Variants in SHOX observed in about 807,000 individuals in gnomAD.
SHOX encodes the protein short stature homeobox protein.
Under a neutral mutation model 29.6 loss-of-function variants are expected in SHOX, and 12 were observed. The observed-to-expected ratio is 0.41, with a 90% CI of 0.26 to 0.66. The LOEUF is 0.66. Among genes scored for constraint, SHOX ranks in the 30% least tolerant of loss-of-function variants. The pLI, the probability that SHOX is intolerant of heterozygous loss-of-function variation, is 0.35. For missense variants in SHOX, 499 were observed against 437.7 expected, an observed-to-expected ratio of 1.14 and a Z score of -1.25; for synonymous variants, 214 against 200.6, an observed-to-expected ratio of 1.07 and a Z score of -0.57.
rs1004011271 is a variant in SHOX at position 649,285 on chromosome X, C to G, written c.*4649C>G. Among the ~76,000 whole-genome samples the G allele has an allele frequency of 2.6e-5, 4 of 152,050 alleles. No individual in the cohort carries two copies. Among genetic ancestry groups the G allele is most frequent in the Non-Finnish European group, 1.5e-5 (1 of 68,018 alleles). On this transcript the variant is annotated 3_prime_UTR_variant, in exon 5 of 5. Coordinates refer to ENST00000686671, the MANE Select transcript of SHOX (RefSeq NM_000451.4). Reference sequence around the variant, plus strand: ...AACTCCTGACCTCACATGATCCACCCGCCTCAGCCTCCCAGAGTGCTGGGA... The same window carrying G: ...AACTCCTGACCTCACATGATCCACCGGCCTCAGCCTCCCAGAGTGCTGGGA...
At chrX:625,075 TTCTC>T (rs1361088066) in intron 1 of SHOX, among the ~76,000 whole-genome samples, 5 of 99,702 alleles carry the variant, frequency 5.0e-5, no homozygotes, top group African/African-American at 2.3e-4. Context: ...CCCTCCCTCC[TTCTC>T]TCCCTCCCTC....
intron 1 of SHOX, chrX:624,625 C>G (rs1474706094): frequency 1.3e-5 from 2 of 152,168 alleles, no homozygotes; most frequent in Non-Finnish European, 2.9e-5. Flanking sequence ...TTGGAACTTT[C>G]CTTTTCTTTT....
At chrX:627,447 C>T (rs1225914556), upstream of SHOX, among the ~76,000 whole-genome samples, 4 of 152,138 alleles carry the variant, frequency 2.6e-5, no homozygotes, top group East Asian at 1.9e-4. Context: ...AGGCCGCCTC[C>T]GTGCTCATCC....
At chrX:636,933 C>G (rs1431169997) in intron 2 of SHOX, among the ~76,000 whole-genome samples, 1 of 123,292 alleles carries the variant, frequency 8.1e-6, no homozygotes, top group African/African-American at 3.6e-5. Flanking sequence ...GTTTTACGAG[C>G]TCTTTCATTT....
upstream of SHOX, among the ~76,000 whole-genome samples, chrX:627,226 C>T (rs1162487752): frequency 3.3e-5 from 5 of 152,208 alleles, no homozygotes; most frequent in East Asian, 7.7e-4. Flanking sequence ...ACAGTCCACC[C>T]ACTCTGCAGA....
upstream of SHOX, among the ~76,000 whole-genome samples, chrX:629,921 C>G (rs1268030526): frequency 2.0e-5 from 3 of 152,168 alleles, no homozygotes; most frequent in Non-Finnish European, 4.4e-5. Flanking sequence ...CCATGAAAAC[C>G]AAAAACACAA....
chrX:636,966 A>ATTTT (rs1178890740), intron 2 of SHOX, among the ~76,000 whole-genome samples: 1 of 125,182 alleles, frequency 8.0e-6, no homozygotes, highest in African/African-American at 3.1e-5. Flanking sequence ...ATATATATAT[A>ATTTT]TATATTTTGG....
At chrX:634,566 G>C in intron 1 of SHOX, 52 bp from the exon 2 acceptor site, 1 of 1,598,726 alleles carries the variant, frequency 6.3e-7, no homozygotes, top group South Asian at 1.1e-5. Context: ...GGTTCGCCAC[G>C]TTGCGCAAAA....
intron 4 of SHOX, 84 bp from the exon 5 acceptor site, chrX:644,307 G>C: frequency 7.0e-7 from 1 of 1,432,146 alleles, no homozygotes; most frequent in Non-Finnish European, 9.1e-7. Context: ...GAAGAGGCAC[G>C]TTGGAGGTTT....
At position 647,141 on chromosome X, in the gene SHOX, A is replaced by T. The variant is rs1312881264; in HGVS notation, c.*2505A>T. On this transcript the variant is annotated 3_prime_UTR_variant, in exon 5 of 5. Coordinates refer to ENST00000686671, the MANE Select transcript of SHOX (RefSeq NM_000451.4). ...CCCCAGGCTGGAGTGCAGTGGCACA[A>T]TCTCGGCTCACCGCAACCTCCGCCT... 6.6e-6 allele frequency among the ~76,000 whole-genome samples: 1 copy of T among 152,234 alleles called. No individual in the cohort carries two copies. Among genetic ancestry groups the T allele is most frequent in the Non-Finnish European group, 1.5e-5 (1 of 68,042 alleles).
chrX:634,583 C>A, intron 1 of SHOX, 35 bp from the exon 2 acceptor site: 1 of 1,608,378 alleles, frequency 6.2e-7, no homozygotes, highest in Non-Finnish European at 8.5e-7. Flanking sequence ...AAAACCTCCC[C>A]GGCCTCAGCC....
chrX:650,720 G>T lies in SHOX; in HGVS notation c.*6084G>T, dbSNP rs1245126207. Reference sequence around the variant, plus strand: ...ACACACATTTCGGAGGCACTTTGCTGGAAGCCGCTTGTCTCCTCCAGCTTT... The same window carrying T: ...ACACACATTTCGGAGGCACTTTGCTTGAAGCCGCTTGTCTCCTCCAGCTTT... On this transcript the variant is annotated 3_prime_UTR_variant, in exon 5 of 5. Coordinates refer to ENST00000686671, the MANE Select transcript of SHOX (RefSeq NM_000451.4). Among the ~76,000 whole-genome samples the T allele has an allele frequency of 6.1e-5, 9 of 148,006 alleles. No homozygotes were observed. The highest frequency in any genetic ancestry group is 1.3e-4 in the Non-Finnish European group (9 of 67,374).
downstream of SHOX, among the ~76,000 whole-genome samples, chrX:654,370 C>T (rs2053108370): frequency 1.3e-5 from 2 of 151,856 alleles, no homozygotes. Context: ...AAAAAATTCA[C>T]CAATCAACTG....
chrX:639,318 T>C (rs2052809334), intron 2 of SHOX, among the ~76,000 whole-genome samples: 1 of 152,224 alleles, frequency 6.6e-6, no homozygotes, highest in African/African-American at 2.4e-5. Flanking sequence ...TGGGACCCTT[T>C]CATGTATGGG....
chrX:637,293 A>G (rs755749144), intron 2 of SHOX, among the ~76,000 whole-genome samples: 6 of 152,182 alleles, frequency 3.9e-5, no homozygotes, highest in Admixed American at 2.0e-4. Context: ...GGGGACATCG[A>G]GTTTATGTGT....
chrX:654,593 T>C (rs28412402), downstream of SHOX, among the ~76,000 whole-genome samples: 26,728 of 152,080 alleles, frequency 0.18, 3,757 homozygotes, highest in African/African-American at 0.39. Context: ...ATAAACATTT[T>C]ATAACAATTA....
At chrX:625,710 TCTCTGTCTCTCTCTCTC>T (rs1164776889) in intron 1 of SHOX, among the ~76,000 whole-genome samples, 4 of 37,372 alleles carry the variant, frequency 1.1e-4, no homozygotes, top group Non-Finnish European at 2.2e-4. Flanking sequence ...TCTCTTTCTA[TCTCTGTCTCTCTCTCTC>T]CTCTCTCTCT....
downstream of SHOX, among the ~76,000 whole-genome samples, chrX:655,612 CTCTATATATATATA>C (rs1452459734): frequency 2.2e-3 from 35 of 15,702 alleles, no homozygotes; most frequent in East Asian, 6.0e-3. Flanking sequence ...CTCTCTCTCT[CTCTATATATATATA>C]TATATATATA....
chrX:642,052 G>A lies in SHOX; in HGVS notation c.633+965G>A, dbSNP rs186708780. Among the ~76,000 whole-genome samples the A allele has an allele frequency of 4.6e-3, 694 of 152,326 alleles. 5 individuals carry two copies. Among genetic ancestry groups the A allele is most frequent in the African/African-American group, 0.016 (656 of 41,574 alleles). The stretch of plus-strand genomic sequence containing the variant: ...CCAGCGTGGATTTGGGGCTTCCAGG[G>A]AGTCGGGGTTCGGTCGCGGAGCCCA... On this transcript the variant is annotated intron_variant, in intron 4 of 4. Coordinates refer to ENST00000686671, the MANE Select transcript of SHOX (RefSeq NM_000451.4).
Sources: gnomAD v4.1 joint callset for allele counts (sites outside exome capture counted in the v4.1 genomes callset) on GRCh38, gnomAD v4.1.1 for gene constraint, MANE v1.5 for transcripts, NCBI Gene and HGNC (gene_info 2026-07-23, HGNC 2026-07-21) for gene names.